DTD1: variants seen among roughly 807,000 people sequenced by gnomAD.
The protein encoded by DTD1 is D-aminoacyl-tRNA deacylase 1, also known as D-tyrosyl-tRNA deacylase 1 homolog.
A neutral mutation model predicts 25.6 loss-of-function variants in DTD1; 13 were observed. The observed-to-expected ratio is 0.51, with a 90% CI of 0.33 to 0.81. The LOEUF (loss-of-function observed/expected upper bound fraction) is 0.81. Ranked by LOEUF, DTD1 falls within the 30% of genes least tolerant of loss-of-function variation. The probability of loss-of-function intolerance (pLI) is 0.02; values close to 1 mark genes in which losing one functional copy is unlikely to be tolerated. For synonymous variants in DTD1, 110 were observed against 103.6 expected, an observed-to-expected ratio of 1.06 and a Z score of -0.37; for missense variants, 193 against 266.4, an observed-to-expected ratio of 0.72 and a Z score of 1.92.
At chr20:18,737,457 C>T (rs1463765364) in intron 4 of DTD1, among the ~76,000 whole-genome samples, 1 of 152,270 alleles carries the variant, frequency 6.6e-6, no homozygotes, top group Non-Finnish European at 1.5e-5. Flanking sequence ...CGGATGCTAA[C>T]TGCATTCTTA....
intron 4 of DTD1, among the ~76,000 whole-genome samples, chr20:18,701,596 G>C (rs563947555): frequency 3.9e-5 from 6 of 152,314 alleles, no homozygotes; most frequent in African/African-American, 1.4e-4. Context: ...TGCACTATGT[G>C]AGCTGAATGC....
At chr20:18,707,150 G>A (rs991389498) in intron 4 of DTD1, among the ~76,000 whole-genome samples, 1 of 152,174 alleles carries the variant, frequency 6.6e-6, no homozygotes, top group Non-Finnish European at 1.5e-5. Context: ...GAGATGCAGC[G>A]TTCAGACGAC....
intron 4 of DTD1, among the ~76,000 whole-genome samples, chr20:18,695,482 TTC>T (rs1568671857): frequency 5.3e-3 from 4 of 748 alleles, no homozygotes; most frequent in African/African-American, 0.011. Context: ...TTCCCTTCCC[TTC>T]CCTTCCTTTC....
intron 4 of DTD1, among the ~76,000 whole-genome samples, chr20:18,665,954 A>C (rs1276297924): frequency 6.6e-6 from 1 of 152,188 alleles, no homozygotes; most frequent in Non-Finnish European, 1.5e-5. Flanking sequence ...CATATTGTCA[A>C]AATTAAGAAA....
intron 4 of DTD1, among the ~76,000 whole-genome samples, chr20:18,661,371 C>CTT (rs565601536): frequency 0.14 from 16,739 of 120,144 alleles, 1,695 homozygotes; most frequent in South Asian, 0.26. Flanking sequence ...GTCTTCTAGT[C>CTT]TTTTTTTTTT....
chr20:18,750,096 A>C (rs774626098), intron 5 of DTD1, among the ~76,000 whole-genome samples: 9 of 152,194 alleles, frequency 5.9e-5, no homozygotes, highest in Non-Finnish European at 1.2e-4. Flanking sequence ...CGAGGACCAG[A>C]GCGGGGCTGG....
intron 3 of DTD1, among the ~76,000 whole-genome samples, chr20:18,615,035 T>A (rs1357054540): frequency 2.0e-5 from 3 of 152,192 alleles, no homozygotes; most frequent in Non-Finnish European, 4.4e-5. Context: ...TGGTGCTGGC[T>A]TCCTCCACAG....
At chr20:18,682,533 C>G (rs2061001944) in intron 4 of DTD1, among the ~76,000 whole-genome samples, 1 of 151,662 alleles carries the variant, frequency 6.6e-6, no homozygotes, top group Admixed American at 6.6e-5. Context: ...AAGCAGTGGT[C>G]CCATGTTGTC....
rs1012858488 is a variant in DTD1 at position 18,714,310 on chromosome 20, C to T, written c.478-29790C>T. ...AACCACTTGTGTGTTTGTTTATTTC[C>T]TCTGATCTGGGGTACTGTTTCATCA... On this transcript the variant is annotated intron_variant, in intron 4 of 5. Transcript: ENST00000377452. 3.9e-5 allele frequency among the ~76,000 whole-genome samples: 6 copies of T among 152,060 alleles called. No homozygotes were observed. In the East Asian group the frequency reaches 1.2e-3, roughly 29 times the overall value.
At chr20:18,732,142 G>A (rs770065985) in intron 4 of DTD1, among the ~76,000 whole-genome samples, 5 of 152,140 alleles carry the variant, frequency 3.3e-5, no homozygotes, top group African/African-American at 7.2e-5. Context: ...CTGCTTGCTT[G>A]GCATTTATAC....
chr20:18,637,255 C>T (rs1355832345), intron 4 of DTD1, among the ~76,000 whole-genome samples: 7 of 152,202 alleles, frequency 4.6e-5, no homozygotes, highest in African/African-American at 9.7e-5. Flanking sequence ...TATTCATCAA[C>T]GAGCCCTCAG....
intron 4 of DTD1, chr20:18,698,622 C>G (rs145963713): frequency 1.3e-5 from 2 of 152,336 alleles, no homozygotes; most frequent in African/African-American, 4.8e-5. Flanking sequence ...AAGTGAGGAG[C>G]TGGTCATCCA....
intron 3 of DTD1, among the ~76,000 whole-genome samples, chr20:18,601,853 A>G (rs1280867679): frequency 2.6e-5 from 4 of 151,780 alleles, no homozygotes; most frequent in Non-Finnish European, 5.9e-5. Context: ...TGGAAACTCT[A>G]AAACGCAGAG....
chr20:18,744,417 C>A, intron 5 of DTD1, 146 bp downstream of exon 5: 1 of 843,024 alleles, frequency 1.2e-6, no homozygotes, highest in East Asian at 2.7e-5. Context: ...AGGATGGAGA[C>A]AAAAGTTAGT....
chr20:18,752,140 A>C lies in DTD1; in HGVS notation c.*19+7869A>C, dbSNP rs2061323487. On this transcript the variant is annotated intron_variant, in intron 5 of 5. Coordinates refer to ENST00000377452, the MANE Select transcript of DTD1 (RefSeq NM_080820.6). ...CAAAATTTTGTCTTTGGTTTTCCGC[A>C]GTTTGGATATGACGTGCCTAGGTGT... Among the ~76,000 whole-genome samples the C allele has an allele frequency of 2.0e-5, 3 of 151,476 alleles. No homozygotes were observed. In the South Asian group the frequency reaches 6.3e-4, roughly 32 times the overall value.
chr20:18,653,005 G>C (rs538756389), intron 4 of DTD1, among the ~76,000 whole-genome samples: 22 of 152,316 alleles, frequency 1.4e-4, no homozygotes, highest in Non-Finnish European at 3.1e-4. Flanking sequence ...ATTTTTGCCA[G>C]TGTGTCTGAG....
At chr20:18,644,356 G>A (rs921739608) in intron 4 of DTD1, among the ~76,000 whole-genome samples, 2 of 152,154 alleles carry the variant, frequency 1.3e-5, no homozygotes, top group African/African-American at 4.8e-5. Context: ...GAGTTTTACA[G>A]GGACTTGTTC....
intron 4 of DTD1, among the ~76,000 whole-genome samples, chr20:18,701,107 G>T (rs2061102941): frequency 6.6e-6 from 1 of 152,198 alleles, no homozygotes; most frequent in South Asian, 2.1e-4. Context: ...GAGAGTTGTT[G>T]TTTATGGGGG....
chr20:18,611,016 A>G (rs1393901297), intron 3 of DTD1: 1 of 152,266 alleles, frequency 6.6e-6, no homozygotes, highest in Non-Finnish European at 1.5e-5. Flanking sequence ...TGTTGGTTAT[A>G]GATTTACTTT....
Sources: gnomAD v4.1 joint callset for allele counts (sites outside exome capture counted in the v4.1 genomes callset) on GRCh38, gnomAD v4.1.1 for gene constraint, MANE v1.5 for transcripts, NCBI Gene and HGNC (gene_info 2026-07-23, HGNC 2026-07-21) for gene names.